The following RAB11FIP5 variants were observed in gnomAD, a reference collection of about 807,000 sequenced individuals.
The protein encoded by RAB11FIP5 is rab11 family-interacting protein 5.
RAB11FIP5 carries 48 observed loss-of-function variants against 85.1 expected under a neutral mutation model. That is an observed-to-expected ratio of 0.56 (90% CI 0.45 to 0.72). The LOEUF (loss-of-function observed/expected upper bound fraction) is 0.72, where lower values mean the gene tolerates loss of function less well. Ranked by LOEUF, RAB11FIP5 falls within the 30% of genes least tolerant of loss-of-function variation. RAB11FIP5 has a pLI of 0.00. For missense variants in RAB11FIP5, 1,491 were observed against 1,687.0 expected (o/e 0.88, Z 2.04); for synonymous variants, 729 against 727.3 (o/e 1.00, Z -0.04).
chr2:73,076,878 C>T (rs942027209), intron 4 of RAB11FIP5, among the ~76,000 whole-genome samples: 8 of 152,204 alleles, frequency 5.3e-5, no homozygotes, highest in African/African-American at 1.7e-4. Flanking sequence ...CGGTCTCTAC[C>T]GGCCCACCAC....
At chr2:73,101,736 T>C (rs1684432725) in intron 1 of RAB11FIP5, among the ~76,000 whole-genome samples, 2 of 152,086 alleles carry the variant, frequency 1.3e-5, no homozygotes, top group Non-Finnish European at 2.9e-5. Flanking sequence ...TGTGAACTCA[T>C]CAGCCCACCC....
chr2:73,107,739 G>A (rs1464332596), intron 1 of RAB11FIP5, among the ~76,000 whole-genome samples: 2 of 152,188 alleles, frequency 1.3e-5, no homozygotes, highest in Admixed American at 1.3e-4. Context: ...ACTGGCTTCT[G>A]AGTGCAGCCA....
intron 1 of RAB11FIP5, among the ~76,000 whole-genome samples, chr2:73,099,757 T>C (rs555765725): frequency 1.1e-4 from 17 of 152,236 alleles, no homozygotes; most frequent in Admixed American, 9.2e-4. Context: ...AACATCACAG[T>C]CCCCAGTTTC....
chr2:73,104,240 G>C (rs1402350426), intron 1 of RAB11FIP5, among the ~76,000 whole-genome samples: 1 of 152,138 alleles, frequency 6.6e-6, no homozygotes, highest in African/African-American at 2.4e-5. Flanking sequence ...TTTTCATTAT[G>C]TGCCCTTCTG....
Position 73,079,805 on chromosome 2 carries a change from C to T in RAB11FIP5, c.3427G>A (p.Glu1143Lys). Reference protein sequence around the residue: ...PLTTSSAPPGEPALLPGPHEP... With the variant: ...PLTTSSAPPGKPALLPGPHEP... ...TGGGGGCCAGGGAGTAAGGCTGGCT[C>T]CCCTGGTGGTGCAGAGGAGGTAGTC... The change falls in exon 4 of 6, where the codon GAG becomes AAG. Residue 1143 changes from glutamate (E) to lysine (K), a missense_variant. This residue lies in a region of RAB11FIP5 where 232 missense variants were observed against 259.1 expected (regional missense o/e 0.90). Coordinates refer to ENST00000486777, the MANE Select transcript of RAB11FIP5 (RefSeq NM_001371272.1). 1.6e-6 allele frequency: 2 copies of T among 1,232,340 alleles called. No individual in the cohort carries two copies. The highest frequency in any genetic ancestry group is 2.0e-6 in the Non-Finnish European group (2 of 988,172). 76.3% of individuals were successfully genotyped at this position (1,232,340 alleles called of 1,614,324 possible).
At chr2:73,097,995 C>A (rs1037080983) in intron 1 of RAB11FIP5, among the ~76,000 whole-genome samples, 3 of 152,204 alleles carry the variant, frequency 2.0e-5, no homozygotes, top group African/African-American at 4.8e-5. Context: ...AAGCACTGAA[C>A]ACATGGAATT....
chr2:73,081,263 C>G lies in RAB11FIP5; in HGVS notation c.1969G>C (p.Ala657Pro). The change falls in exon 4 of 6, where the codon GCC becomes CCC. Residue 657 changes from alanine (A) to proline (P), a missense_variant. By Grantham distance (27) the Ala-to-Pro change is conservative. Coordinates refer to ENST00000486777, the MANE Select transcript of RAB11FIP5 (RefSeq NM_001371272.1). The surrounding 1 kb of genome is among the most constrained non-coding windows in gnomAD (Gnocchi z 4.2). ...CTGGCCTCTGGACGCAGCCTGCTGG[C>G]AGCAAAGACGTTGAAGGTGTTGTCC... ...EWDNTFNVFA[A>P]SRLRPEARSE... is the part of the protein sequence containing the mutation. The G allele has an allele frequency of 8.1e-7, 1 of 1,232,376 alleles. No homozygotes were observed. Among genetic ancestry groups the G allele is most frequent in the Non-Finnish European group, 1.0e-6 (1 of 988,146 alleles). The allele number at this position is 1,232,376 out of a possible 1,614,324, so 76.3% of individuals were successfully genotyped here.
chr2:73,096,326 G>A (rs1295039941), intron 1 of RAB11FIP5, among the ~76,000 whole-genome samples: 16 of 152,156 alleles, frequency 1.1e-4, no homozygotes, highest in Non-Finnish European at 1.5e-5. Flanking sequence ...AACTGGGGAG[G>A]TCCTGCACTC....
chr2:73,107,038 C>T (rs1299677423), intron 1 of RAB11FIP5, among the ~76,000 whole-genome samples: 1 of 152,236 alleles, frequency 6.6e-6, no homozygotes, highest in Admixed American at 6.5e-5. Context: ...TCCCTCTCCT[C>T]TCTGGCCACC....
In RAB11FIP5 at chr2:73,112,417, C is replaced by A. The variant is rs1684679843; in HGVS notation, c.361G>T (p.Asp121Tyr). 2 of 1,601,184 alleles carry A rather than the reference C, an allele frequency of 1.2e-6. No individual in the cohort carries two copies. Among genetic ancestry groups the A allele is most frequent in the African/African-American group, 1.4e-5 (1 of 73,598 alleles). ...ACCGTGGCCTGGCCCAGGAACTTGTCGACGCCGATGAGCGAGCGGTGCATG... is the reference window on the plus strand; with the variant it reads ...ACCGTGGCCTGGCCCAGGAACTTGTAGACGCCGATGAGCGAGCGGTGCATG... ...TTMHRSLIGV[D>Y]KFLGQATVAL... The change falls in exon 1 of 6, where the codon GAC (aspartate) becomes TAC (tyrosine). Residue 121 changes from aspartate (D) to tyrosine (Y), a missense_variant. Physicochemically the swap from Asp to Tyr is radical, Grantham distance 160 (BLOSUM62 -3). Transcript: ENST00000486777.
intron 1 of RAB11FIP5, among the ~76,000 whole-genome samples, chr2:73,106,834 T>A (rs1452183871): frequency 6.6e-6 from 1 of 152,166 alleles, no homozygotes; most frequent in African/African-American, 2.4e-5. Flanking sequence ...TGGAGTCCCA[T>A]GAGTAAGGGC....
Position 73,089,888 on chromosome 2 carries a change from CA to C in RAB11FIP5, c.432-574del, listed in dbSNP as rs1574298307. ...GCATACACTCATGTATGTATACACA[CA>C]CACACACACACACACACACACACAC... On this transcript the variant is annotated intron_variant, in intron 1 of 5. Coordinates refer to ENST00000486777, the MANE Select transcript of RAB11FIP5 (RefSeq NM_001371272.1). This position sits in a 1 kb window ranked among gnomAD's most constrained non-coding sequence, Gnocchi z 4.6. Among the ~76,000 whole-genome samples the C allele has an allele frequency of 2.7e-5, 2 of 74,016 alleles. No individual in the cohort carries two copies. Among genetic ancestry groups the C allele is most frequent in the Non-Finnish European group, 4.5e-5 (2 of 44,642 alleles). The allele number at this position is 74,016 out of a possible 152,430, so 48.6% of individuals were successfully genotyped here.
At chr2:73,091,666 A>T (rs1056580077) in intron 1 of RAB11FIP5, among the ~76,000 whole-genome samples, 10 of 152,170 alleles carry the variant, frequency 6.6e-5, no homozygotes, top group Non-Finnish European at 1.3e-4. Flanking sequence ...TAGTGGTGGT[A>T]GTATTTTGAT....
chr2:73,089,406 G>C lies in RAB11FIP5; in HGVS notation c.432-91C>G. The C allele has an allele frequency of 7.5e-7, 1 of 1,338,978 alleles. No individual in the cohort carries two copies. Among genetic ancestry groups the C allele is most frequent in the South Asian group, 1.2e-5 (1 of 85,458 alleles). The allele number at this position is 1,338,978 out of a possible 1,614,324, so 82.9% of individuals were successfully genotyped here. A position where few individuals can be genotyped will look rare whatever the true frequency, so the allele number is the denominator to read the frequency against. On this transcript the variant is annotated intron_variant, in intron 1 of 5. Transcript: ENST00000486777. This position sits in a 1 kb window ranked among gnomAD's most constrained non-coding sequence, Gnocchi z 4.6. ...CCAGGCACTGCCCAGACCCCTCCTT[G>C]CTCTGAGAGCCACTGATAGCCTCTC...
intron 1 of RAB11FIP5, among the ~76,000 whole-genome samples, chr2:73,098,436 C>T (rs892080367): frequency 4.6e-5 from 7 of 152,224 alleles, no homozygotes; most frequent in Non-Finnish European, 8.8e-5. Flanking sequence ...GATTCAATGG[C>T]CTATGCGTGG....
rs116660050 is a variant in RAB11FIP5, at chr2:73,081,043, G to C, written c.2189C>G (p.Pro730Arg). Residue 730 changes from proline to arginine, a missense_variant, in exon 4 of 6, where the codon CCG (proline) becomes CGG (arginine). Physicochemically the swap from Pro to Arg is moderately radical, Grantham distance 103. Transcript: ENST00000486777. The surrounding 1 kb of genome is among the most constrained non-coding windows in gnomAD (Gnocchi z 4.2). ...LEPRVPLDLG[P>R]NHQSASAADP... Reference sequence around the variant, plus strand: ...AGCCGCGCTCGCGCTCTGGTGGTTCGGTCCCAAGTCCAGAGGAACCCTGGG... The same window carrying C: ...AGCCGCGCTCGCGCTCTGGTGGTTCCGTCCCAAGTCCAGAGGAACCCTGGG... 3 of 1,232,462 alleles carry C rather than the reference G, an allele frequency of 2.4e-6. No individual in the cohort carries two copies. The highest frequency in any genetic ancestry group is 3.0e-6 in the Non-Finnish European group (3 of 988,300). The allele number at this position is 1,232,462 out of a possible 1,614,324, so 76.3% of individuals were successfully genotyped here.
Position 73,088,448 on chromosome 2 carries a change from G to A in RAB11FIP5, c.1170C>T (p.Gly390=). The A allele has an allele frequency of 6.2e-7, 1 of 1,613,868 alleles. No homozygotes were observed. Among genetic ancestry groups the A allele is most frequent in the South Asian group, 1.1e-5 (1 of 91,092 alleles). Residue 390 remains glycine (G), a synonymous_variant, in exon 3 of 6, where the codon GGC becomes GGT. Transcript: ENST00000486777. ...PRSTDDTWPR[G]SRSNSSSEAV... The stretch of plus-strand genomic sequence containing the variant: ...CCTCTGAGCTGCTGTTGCTACGACT[G>A]CCTCTGGGCCAGGTGTCATCTGTGG...
At chr2:73,109,319 A>G (rs56214999) in intron 1 of RAB11FIP5, among the ~76,000 whole-genome samples, 8,570 of 152,204 alleles carry the variant, frequency 0.056, 289 homozygotes, top group East Asian at 0.14. Context: ...AACCCCAGCC[A>G]CCACCATCAC....
chr2:73,082,040 C>CT (rs11409259), intron 3 of RAB11FIP5, among the ~76,000 whole-genome samples: 39,668 of 129,888 alleles, frequency 0.31, 7,373 homozygotes, highest in East Asian at 0.54. Flanking sequence ...CCTTACATCC[C>CT]TTTTTTTTTT....
Sources: allele counts gnomAD v4.1 joint callset (sites outside exome capture counted in the v4.1 genomes callset), GRCh38; gene constraint gnomAD v4.1.1; regional missense constraint gnomAD v4.1.1; non-coding constraint Gnocchi (gnomAD v3.1); transcripts MANE v1.5; gene names NCBI Gene and HGNC (gene_info 2026-07-23, HGNC 2026-07-21).